LOC400499: variants seen among roughly 807,000 people sequenced by gnomAD.
At chr16:11,480,499 T>A in the LOC400499 span, among the ~76,000 whole-genome samples, 2 of 152,170 alleles carry the variant, frequency 1.3e-5, no homozygotes, top group Non-Finnish European at 2.9e-5. Flanking sequence ...AGCAAAATGT[T>A]GTCAATAATC....
chr16:11,373,043 CGACACAGAGAA>C, the LOC400499 span, among the ~76,000 whole-genome samples: 55 of 152,316 alleles, frequency 3.6e-4, 1 homozygote, highest in South Asian at 0.011. Flanking sequence ...CCAGCACCCT[CGACACAGAGAA>C]GACCAAGACA....
chr16:11,449,142 G>A, the LOC400499 span: 6 of 1,382,548 alleles, frequency 4.3e-6, no homozygotes, highest in South Asian at 1.6e-5. Flanking sequence ...CAAGGCCTTT[G>A]CACACCCTAT....
the LOC400499 span, among the ~76,000 whole-genome samples, chr16:11,406,320 C>T: frequency 6.6e-6 from 1 of 152,226 alleles, no homozygotes; most frequent in African/African-American, 2.4e-5. Flanking sequence ...TGCATCCCTG[C>T]TGCTGCAAAG....
At chr16:11,387,267 G>C in the LOC400499 span, 13 of 1,232,168 alleles carry the variant, frequency 1.1e-5, no homozygotes, top group Admixed American at 3.8e-4. Context: ...GCAGGCAACA[G>C]TGGCAGCATC....
At chr16:11,438,607 C>G in the LOC400499 span, among the ~76,000 whole-genome samples, 1 of 59,848 alleles carries the variant, frequency 1.7e-5, no homozygotes, top group Admixed American at 2.0e-4. Flanking sequence ...CCTGTCTCTG[C>G]AAAAAAAAAA....
At chr16:11,455,600 T>G in the LOC400499 span, among the ~76,000 whole-genome samples, 13 of 151,910 alleles carry the variant, frequency 8.6e-5, no homozygotes, top group South Asian at 1.0e-3. Flanking sequence ...CCAGGTGTGG[T>G]GGCACACACC....
the LOC400499 span, among the ~76,000 whole-genome samples, chr16:11,509,397 C>G: frequency 6.7e-6 from 1 of 150,372 alleles, no homozygotes; most frequent in Non-Finnish European, 1.5e-5. Context: ...GGATTACAGG[C>G]GTGAGCCACC....
At chr16:11,481,148 G>A in the LOC400499 span, among the ~76,000 whole-genome samples, 2 of 152,206 alleles carry the variant, frequency 1.3e-5, no homozygotes, top group Non-Finnish European at 2.9e-5. Flanking sequence ...TCCAGAAGAG[G>A]TAAATCCATA....
chr16:11,438,308 G>C, the LOC400499 span, among the ~76,000 whole-genome samples: 1 of 152,186 alleles, frequency 6.6e-6, no homozygotes, highest in African/African-American at 2.4e-5. Context: ...GGTTGCTAGT[G>C]AAACGGTGAC....
the LOC400499 span, among the ~76,000 whole-genome samples, chr16:11,433,694 G>A: frequency 1.3e-5 from 2 of 152,164 alleles, no homozygotes; most frequent in South Asian, 4.1e-4. Flanking sequence ...TCTGAGAAGG[G>A]GAGAGGGGCT....
the LOC400499 span, among the ~76,000 whole-genome samples, chr16:11,431,395 G>A: frequency 1.3e-5 from 2 of 152,122 alleles, no homozygotes; most frequent in African/African-American, 4.8e-5. Flanking sequence ...TGGACATACT[G>A]ATATTGAGCT....
chr16:11,386,031 G>T, the LOC400499 span, among the ~76,000 whole-genome samples: 1 of 152,036 alleles, frequency 6.6e-6, no homozygotes, highest in Non-Finnish European at 1.5e-5. Flanking sequence ...GTGAGACCTA[G>T]TCTCAAAAAA....
the LOC400499 span, among the ~76,000 whole-genome samples, chr16:11,420,440 G>T: frequency 2.6e-5 from 3 of 113,352 alleles, no homozygotes; most frequent in East Asian, 5.2e-4. Context: ...TCGGGGGACT[G>T]TTGTGGGGTG....
the LOC400499 span, among the ~76,000 whole-genome samples, chr16:11,504,308 C>G: frequency 6.6e-6 from 1 of 152,184 alleles, no homozygotes; most frequent in African/African-American, 2.4e-5. Context: ...GTAATCCCAG[C>G]ACTTTGGGAG....
chr16:11,515,943 G>T, the LOC400499 span: 1 of 374,042 alleles, frequency 2.7e-6, no homozygotes, highest in Non-Finnish European at 4.6e-6. Context: ...ACTCCAGGCA[G>T]GGCCTGAGAA....
the LOC400499 span, among the ~76,000 whole-genome samples, chr16:11,485,436 G>A: frequency 6.6e-6 from 1 of 152,116 alleles, no homozygotes; most frequent in Admixed American, 6.5e-5. Context: ...TCCAGGATGA[G>A]GGCAAGGGCT....
At chr16:11,389,154 C>T in the LOC400499 span, among the ~76,000 whole-genome samples, 46 of 152,292 alleles carry the variant, frequency 3.0e-4, 1 homozygote, top group Middle Eastern at 3.4e-3. Context: ...CCACCTGGAG[C>T]GCTCTTACCA....
At chr16:11,391,804 C>G in the LOC400499 span, 1 of 1,232,154 alleles carries the variant, frequency 8.1e-7, no homozygotes, top group Non-Finnish European at 1.0e-6. Flanking sequence ...TCCCGCCCCG[C>G]CTGGGACAGC....
the LOC400499 span, chr16:11,461,074 A>G: frequency 6.5e-7 from 1 of 1,536,078 alleles, no homozygotes; most frequent in Non-Finnish European, 8.7e-7. Context: ...CTCGGCACCC[A>G]GGGCGGCCAC....
Sources: gnomAD v4.1 joint callset for allele counts (sites outside exome capture counted in the v4.1 genomes callset) on GRCh38, gnomAD v4.1.1 for gene constraint, MANE v1.5 for transcripts.